CLVS1: variants seen among roughly 807,000 people sequenced by gnomAD.
CLVS1 encodes clavesin 1.
In CLVS1, 10 loss-of-function variants were observed where a neutral mutation model predicts 33.1. The ratio of observed to expected loss-of-function variants is 0.30; its 90% CI spans 0.19 to 0.51. The LOEUF (loss-of-function observed/expected upper bound fraction) is 0.51, where lower values mean the gene tolerates loss of function less well. CLVS1 is among the 20% of genes least tolerant of loss of function. The pLI is 0.97. For synonymous variants in CLVS1, 163 were observed against 166.1 expected, an observed-to-expected ratio of 0.98 and a Z score of 0.14; for missense variants, 343 against 433.4, an observed-to-expected ratio of 0.79 and a Z score of 1.85.
At chr8:61,037,077 C>T in the CLVS1 span, among the ~76,000 whole-genome samples, 1 of 152,200 alleles carries the variant, frequency 6.6e-6, no homozygotes, top group African/African-American at 2.4e-5. Flanking sequence ...TATACAGGTA[C>T]TGCCATGAAA....
chr8:61,213,982 C>A (rs923652790), intron 2 of CLVS1, among the ~76,000 whole-genome samples: 72 of 152,152 alleles, frequency 4.7e-4, no homozygotes, highest in Admixed American at 1.9e-3. Flanking sequence ...AATGCCCCCC[C>A]ACTCAAGGTG....
At chr8:61,463,890 A>T (rs746567745) in intron 5 of CLVS1, among the ~76,000 whole-genome samples, 1 of 151,966 alleles carries the variant, frequency 6.6e-6, no homozygotes, top group Non-Finnish European at 1.5e-5. Context: ...AACATGGTGA[A>T]ACCCCGTATC....
chr8:61,091,296 G>C lies in CLVS1; in HGVS notation c.-243+34066G>C, dbSNP rs1805244997. On this transcript the variant is annotated intron_variant, in intron 1 of 2. Transcript: ENST00000522621. ...TTTCCCCCAGGGCCTTCAGAAATAA[G>C]CAGTCCTGTGACACCTTGATTTTAG... Among the ~76,000 whole-genome samples, 3 of 152,190 alleles carry C rather than the reference G, an allele frequency of 2.0e-5. No individual in the cohort carries two copies. In the South Asian group the frequency reaches 6.2e-4, roughly 32 times the overall value.
At chr8:61,282,102 T>G (rs1034980326) in intron 2 of CLVS1, among the ~76,000 whole-genome samples, 54 of 152,218 alleles carry the variant, frequency 3.5e-4, no homozygotes, top group Admixed American at 2.2e-3. Flanking sequence ...GGAGGCCTAT[T>G]ATGCTGCCTA....
intron 2 of CLVS1, among the ~76,000 whole-genome samples, chr8:61,253,749 T>G (rs919062425): frequency 6.6e-6 from 1 of 152,248 alleles, no homozygotes; most frequent in Admixed American, 6.5e-5. Context: ...ACGTAGTTCT[T>G]GTGCCATGGT....
At chr8:61,025,944 CA>C in the CLVS1 span, among the ~76,000 whole-genome samples, 3 of 152,186 alleles carry the variant, frequency 2.0e-5, no homozygotes, top group Non-Finnish European at 4.4e-5. Context: ...TGGAGAAAAA[CA>C]GAAACAAAAT....
the CLVS1 span, among the ~76,000 whole-genome samples, chr8:60,973,797 G>T: frequency 6.6e-6 from 1 of 152,216 alleles, no homozygotes; most frequent in Non-Finnish European, 1.5e-5. Flanking sequence ...CAGCTCCTGA[G>T]ATCTTACTGG....
At chr8:61,331,115 TC>T (rs1181216916) in intron 2 of CLVS1, among the ~76,000 whole-genome samples, 1 of 152,120 alleles carries the variant, frequency 6.6e-6, no homozygotes, top group Non-Finnish European at 1.5e-5. Context: ...TATGGTGTCC[TC>T]ACACTAAGCT....
chr8:61,033,025 G>GAA, the CLVS1 span, among the ~76,000 whole-genome samples: 9 of 110,304 alleles, frequency 8.2e-5, no homozygotes, highest in African/African-American at 1.8e-4. Flanking sequence ...AAGAAAGAAA[G>GAA]AAAGAAAGAA....
intron 3 of CLVS1, among the ~76,000 whole-genome samples, chr8:61,433,219 G>T (rs1173485251): frequency 6.6e-6 from 1 of 152,242 alleles, no homozygotes; most frequent in Non-Finnish European, 1.5e-5. Flanking sequence ...CTCCCAAAGT[G>T]CTGGGATTAC....
chr8:61,483,679 C>A (rs201216204), intron 5 of CLVS1, among the ~76,000 whole-genome samples: 1 of 152,196 alleles, frequency 6.6e-6, no homozygotes, highest in East Asian at 1.9e-4. Flanking sequence ...CCTTGATGAA[C>A]ATTGATGCAA....
chr8:61,242,080 C>A (rs1336452388), intron 2 of CLVS1, among the ~76,000 whole-genome samples: 32 of 151,870 alleles, frequency 2.1e-4, no homozygotes, highest in Non-Finnish European at 4.4e-5. Context: ...AGATTTTCTA[C>A]CCATCTTGAG....
At chr8:61,090,914 AC>A (rs1563398561) in intron 1 of CLVS1, 2 of 518,816 alleles carry the variant, frequency 3.9e-6, no homozygotes, top group South Asian at 2.8e-5. Flanking sequence ...ATGTTGGGGG[AC>A]CTTGAAATGG....
intron 2 of CLVS1, among the ~76,000 whole-genome samples, chr8:61,240,715 A>G (rs1808680372): frequency 6.6e-6 from 1 of 152,010 alleles, no homozygotes; most frequent in Non-Finnish European, 1.5e-5. Context: ...GTTATCTGCA[A>G]ATACTAACAC....
chr8:60,971,405 CTCT>C, the CLVS1 span, among the ~76,000 whole-genome samples: 1 of 152,140 alleles, frequency 6.6e-6, no homozygotes, highest in Non-Finnish European at 1.5e-5. Flanking sequence ...TAGCATCCTG[CTCT>C]TCTTTGTTTT....
At chr8:61,084,587 T>C (rs1805084027) in intron 1 of CLVS1, among the ~76,000 whole-genome samples, 1 of 152,084 alleles carries the variant, frequency 6.6e-6, no homozygotes, top group Non-Finnish European at 1.5e-5. Flanking sequence ...CGTGCCAAGG[T>C]TGGGAAACTC....
the CLVS1 span, among the ~76,000 whole-genome samples, chr8:61,033,147 GAAAGAAAGAAAGAA>G: frequency 8.0e-6 from 1 of 124,902 alleles, no homozygotes; most frequent in Non-Finnish European, 1.8e-5. Context: ...AAGAAAGAAA[GAAAGAAAGAAAGAA>G]AAAGAAAGAA....
intron 3 of CLVS1, among the ~76,000 whole-genome samples, chr8:61,439,378 GT>G (rs1428497425): frequency 6.6e-6 from 1 of 152,186 alleles, no homozygotes; most frequent in Non-Finnish European, 1.5e-5. Context: ...GGTCACTGTG[GT>G]TAGAGAAGTT....
intron 3 of CLVS1, among the ~76,000 whole-genome samples, chr8:61,429,942 G>C (rs1816049239): frequency 6.6e-6 from 1 of 152,118 alleles, no homozygotes; most frequent in Non-Finnish European, 1.5e-5. Flanking sequence ...GCTTCTTGTA[G>C]CTAAGTTAAA....
Sources: gnomAD v4.1 joint callset for allele counts (sites outside exome capture counted in the v4.1 genomes callset) on GRCh38, gnomAD v4.1.1 for gene constraint, MANE v1.5 for transcripts, NCBI Gene and HGNC (gene_info 2026-07-23, HGNC 2026-07-21) for gene names.